Variants in PTPRD observed in about 807,000 individuals in gnomAD.
PTPRD encodes the protein receptor-type tyrosine-protein phosphatase delta.
PTPRD carries 34 observed loss-of-function variants against 214.5 expected under a neutral mutation model. The observed-to-expected ratio is 0.16, with a 90% CI of 0.12 to 0.21. The LOEUF (loss-of-function observed/expected upper bound fraction) is 0.21. Among genes scored for constraint, PTPRD ranks in the 10% least tolerant of loss-of-function variants. PTPRD has a pLI of 1.00. For missense variants in PTPRD, 2,545 were observed against 2,398.7 expected (o/e 1.06, Z -1.27); for synonymous variants, 1,128 against 845.7 (o/e 1.33, Z -5.79).
intron 3 of PTPRD, among the ~76,000 whole-genome samples, chr9:10,104,655 T>C (rs1235234995): frequency 6.6e-6 from 1 of 151,850 alleles, no homozygotes; most frequent in African/African-American, 2.4e-5. Context: ...TAAAAGTTAT[T>C]TTATATTAAA....
intron 11 of PTPRD, among the ~76,000 whole-genome samples, chr9:9,000,610 C>T (rs1449548611): frequency 6.6e-6 from 1 of 151,882 alleles, no homozygotes; most frequent in African/African-American, 2.4e-5. Context: ...ACCCCCATTG[C>T]CATGGCACCA....
intron 8 of PTPRD, among the ~76,000 whole-genome samples, chr9:9,540,350 A>G (rs757187547): frequency 6.6e-6 from 1 of 151,754 alleles, no homozygotes; most frequent in Non-Finnish European, 1.5e-5. Context: ...CCTCCTGGAG[A>G]TCATGGTGTA....
intron 3 of PTPRD, among the ~76,000 whole-genome samples, chr9:10,274,704 G>A (rs1192482366): frequency 1.3e-5 from 2 of 152,094 alleles, no homozygotes; most frequent in Non-Finnish European, 2.9e-5. Context: ...CTCCTATTGT[G>A]TGGTGAGTTT....
intron 39 of PTPRD, among the ~76,000 whole-genome samples, chr9:8,366,476 G>A (rs193278183): frequency 2.1e-4 from 32 of 152,204 alleles, no homozygotes; most frequent in African/African-American, 7.2e-4. Context: ...TTGGAAGAAA[G>A]TAGACAAAAA....
intron 2 of PTPRD, among the ~76,000 whole-genome samples, chr9:10,480,224 C>T (rs1028373501): frequency 6.6e-6 from 1 of 152,136 alleles, no homozygotes; most frequent in Non-Finnish European, 1.5e-5. Context: ...GTCCCCAATA[C>T]AGAATTTTCA....
chr9:10,032,755 G>C (rs886144137), intron 4 of PTPRD, among the ~76,000 whole-genome samples: 1 of 152,122 alleles, frequency 6.6e-6, no homozygotes, highest in Non-Finnish European at 1.5e-5. Flanking sequence ...TTTTAGGATT[G>C]ATTGGGATTC....
intron 2 of PTPRD, among the ~76,000 whole-genome samples, chr9:10,387,438 A>T (rs1391848785): frequency 6.6e-6 from 1 of 151,866 alleles, no homozygotes; most frequent in Non-Finnish European, 1.5e-5. Context: ...ATCAGAAGGC[A>T]TAGGTCTCCT....
intron 3 of PTPRD, among the ~76,000 whole-genome samples, chr9:10,092,972 G>T (rs138802472): frequency 1.3e-5 from 2 of 151,308 alleles, no homozygotes; most frequent in Non-Finnish European, 3.0e-5. Flanking sequence ...TGAAGATTTA[G>T]ATGTAAAACT....
At chr9:9,885,841 T>G (rs1600901074) in intron 5 of PTPRD, among the ~76,000 whole-genome samples, 1 of 151,956 alleles carries the variant, frequency 6.6e-6, no homozygotes, top group Admixed American at 6.6e-5. Flanking sequence ...TGTGGTAATT[T>G]GTTACAGCCA....
chr9:8,751,617 C>T (rs2093541418), intron 11 of PTPRD, among the ~76,000 whole-genome samples: 1 of 152,154 alleles, frequency 6.6e-6, no homozygotes, highest in East Asian at 1.9e-4. Flanking sequence ...TGCTGTGAGT[C>T]AATTGCTGGC....
At chr9:10,441,588 T>C (rs541625413) in intron 2 of PTPRD, among the ~76,000 whole-genome samples, 69 of 151,720 alleles carry the variant, frequency 4.5e-4, no homozygotes, top group Non-Finnish European at 8.9e-4. Context: ...TCTCAACTTA[T>C]CCTTATTATT....
At chr9:9,440,862 A>C (rs2087374376) in intron 8 of PTPRD, among the ~76,000 whole-genome samples, 1 of 152,112 alleles carries the variant, frequency 6.6e-6, no homozygotes, top group Non-Finnish European at 1.5e-5. Flanking sequence ...GGCTTTTCTG[A>C]GTTGGAGTTT....
intron 11 of PTPRD, among the ~76,000 whole-genome samples, chr9:8,929,186 C>G (rs2098926830): frequency 6.6e-6 from 1 of 152,116 alleles, no homozygotes; most frequent in Non-Finnish European, 1.5e-5. Flanking sequence ...TGATTTCTTT[C>G]CCTTGCCTGA....
chr9:9,160,352 C>T (rs1481173479), intron 10 of PTPRD, among the ~76,000 whole-genome samples: 2 of 151,984 alleles, frequency 1.3e-5, no homozygotes, highest in African/African-American at 4.8e-5. Context: ...AACAAATAAC[C>T]TGATTAAAAA....
intron 3 of PTPRD, among the ~76,000 whole-genome samples, chr9:10,216,128 A>G (rs2099539985): frequency 6.6e-6 from 1 of 152,018 alleles, no homozygotes; most frequent in Non-Finnish European, 1.5e-5. Context: ...AAATGTTGAT[A>G]TCTTTTTCAT....
intron 3 of PTPRD, among the ~76,000 whole-genome samples, chr9:10,233,493 C>G (rs2099618971): frequency 6.6e-6 from 1 of 151,642 alleles, no homozygotes; most frequent in Non-Finnish European, 1.5e-5. Context: ...GTCTCTTTTC[C>G]TTTTTAGTTT....
chr9:8,640,561 CA>C (rs201282830), intron 12 of PTPRD, among the ~76,000 whole-genome samples: 17,467 of 105,380 alleles, frequency 0.17, 1,032 homozygotes, highest in Admixed American at 0.2. Flanking sequence ...AACAAAAAAA[CA>C]AAAAAAAAAA....
chr9:10,000,666 T>C (rs1177521815), intron 4 of PTPRD, among the ~76,000 whole-genome samples: 1 of 152,170 alleles, frequency 6.6e-6, no homozygotes, highest in African/African-American at 2.4e-5. Flanking sequence ...TAAAAACAGC[T>C]CCCGAAACAT....
chr9:10,067,308 C>G (rs960654336), intron 3 of PTPRD, among the ~76,000 whole-genome samples: 1 of 151,820 alleles, frequency 6.6e-6, no homozygotes, highest in Non-Finnish European at 1.5e-5. Context: ...TGTGTACTAA[C>G]AGTAAATAGC....
Sources: allele counts gnomAD v4.1 joint callset (sites outside exome capture counted in the v4.1 genomes callset), GRCh38; gene constraint gnomAD v4.1.1; transcripts MANE v1.5; gene names NCBI Gene and HGNC (gene_info 2026-07-23, HGNC 2026-07-21).